Variants in ARIH1 observed in about 807,000 individuals in gnomAD.
ARIH1 encodes the protein E3 ubiquitin-protein ligase ARIH1.
A neutral mutation model predicts 85.0 loss-of-function variants in ARIH1; 8 were observed. That is an observed-to-expected ratio of 0.09 (90% confidence interval 0.06 to 0.17). The LOEUF (loss-of-function observed/expected upper bound fraction) is 0.17, where lower values mean the gene tolerates loss of function less well. Ranked by LOEUF, ARIH1 falls within the 10% of genes least tolerant of loss-of-function variation. The pLI is 1.00. For synonymous variants in ARIH1, 238 were observed against 253.6 expected (o/e 0.94, Z 0.59); for missense variants, 311 against 718.1 (o/e 0.43, Z 6.48).
At chr15:72,499,884 G>A (rs1004792734) in intron 1 of ARIH1, among the ~76,000 whole-genome samples, 2 of 152,066 alleles carry the variant, frequency 1.3e-5, no homozygotes, top group African/African-American at 4.8e-5. Flanking sequence ...GTGCTGGACT[G>A]CATCCTTAAT....
Position 72,582,556 on chromosome 15 carries a change from G to A in ARIH1, c.1589+369G>A, listed in dbSNP as rs913908793. On this transcript the variant is annotated intron_variant, in intron 13 of 13. Coordinates refer to ENST00000379887, the MANE Select transcript of ARIH1 (RefSeq NM_005744.5). The surrounding 1 kb of genome is among the most constrained non-coding windows in gnomAD (Gnocchi z 4.6). Reference sequence around the variant, plus strand: ...TCATGGCTATTCACAAATGAGCTATGGAAACTTACTTTTTAGAGTTTTTAT... The same window carrying A: ...TCATGGCTATTCACAAATGAGCTATAGAAACTTACTTTTTAGAGTTTTTAT... 6.6e-6 allele frequency among the ~76,000 whole-genome samples: 1 copy of A among 151,654 alleles called. No individual in the cohort carries two copies. Among genetic ancestry groups the A allele is most frequent in the Non-Finnish European group, 1.5e-5 (1 of 67,954 alleles).
At chr15:72,539,752 A>G (rs945894271) in intron 2 of ARIH1, among the ~76,000 whole-genome samples, 4 of 152,222 alleles carry the variant, frequency 2.6e-5, no homozygotes, top group Non-Finnish European at 5.9e-5. Flanking sequence ...GAAAGAAGAA[A>G]ATGAGAAAAT....
chr15:72,540,790 A>C (rs1321752498), intron 2 of ARIH1, among the ~76,000 whole-genome samples: 3 of 152,098 alleles, frequency 2.0e-5, no homozygotes, highest in Non-Finnish European at 4.4e-5. Flanking sequence ...ATATGTGAAA[A>C]ACTGCTGTGC....
At chr15:72,565,669 A>G (rs2064216600) in intron 7 of ARIH1, among the ~76,000 whole-genome samples, 1 of 152,234 alleles carries the variant, frequency 6.6e-6, no homozygotes, top group African/African-American at 2.4e-5. Flanking sequence ...ACATAAAAGT[A>G]TAGAGAATAC....
At chr15:72,581,238 C>G (rs1365481138) in intron 12 of ARIH1, among the ~76,000 whole-genome samples, 1 of 152,142 alleles carries the variant, frequency 6.6e-6, no homozygotes. Context: ...TTAATCTTTA[C>G]TTCATTATGT....
intron 7 of ARIH1, among the ~76,000 whole-genome samples, chr15:72,564,451 C>T (rs575541699): frequency 4.6e-5 from 7 of 152,310 alleles, no homozygotes; most frequent in Non-Finnish European, 7.4e-5. Flanking sequence ...ATTCCCTGCA[C>T]TTCTGTCTTT....
At chr15:72,488,741 A>G (rs1436527454) in intron 1 of ARIH1, among the ~76,000 whole-genome samples, 1 of 152,242 alleles carries the variant, frequency 6.6e-6, no homozygotes, top group African/African-American at 2.4e-5. Flanking sequence ...GATCCAGACA[A>G]GATTTTCTTC....
intron 1 of ARIH1, among the ~76,000 whole-genome samples, chr15:72,512,374 G>A (rs2063954411): frequency 6.6e-6 from 1 of 151,988 alleles, no homozygotes; most frequent in Non-Finnish European, 1.5e-5. Flanking sequence ...AGTAATTTGT[G>A]TCTTTAAGAA....
chr15:72,567,297 G>GAT, intron 9 of ARIH1, 120 bp downstream of exon 9: 1 of 668,448 alleles, frequency 1.5e-6, no homozygotes, highest in Admixed American at 3.3e-5. Context: ...TCTCCATTGA[G>GAT]TCTTTTTTTT....
In ARIH1 at chr15:72,582,942, C is replaced by A. The variant is rs1414941357; in HGVS notation, c.1590-266C>A. ...GAACTGTGGGATTGAATTATGATTTCTAAGGTCCATCAGAACTTGTAACAC... is the reference window on the plus strand; with the variant it reads ...GAACTGTGGGATTGAATTATGATTTATAAGGTCCATCAGAACTTGTAACAC... On this transcript the variant is annotated intron_variant, in intron 13 of 13. Coordinates refer to ENST00000379887, the MANE Select transcript of ARIH1 (RefSeq NM_005744.5). This position sits in a 1 kb window ranked among gnomAD's most constrained non-coding sequence, Gnocchi z 4.6. 6.6e-6 allele frequency among the ~76,000 whole-genome samples: 1 copy of A among 152,196 alleles called. No individual in the cohort carries two copies. Among genetic ancestry groups the A allele is most frequent in the Non-Finnish European group, 1.5e-5 (1 of 68,042 alleles).
At chr15:72,570,940 A>G in intron 10 of ARIH1, among the ~76,000 whole-genome samples, 1 of 151,798 alleles carries the variant, frequency 6.6e-6, no homozygotes, top group Non-Finnish European at 1.5e-5. Flanking sequence ...ACCAGCCCTG[A>G]CCAACATGGA....
At chr15:72,501,684 C>T (rs1411527853) in intron 1 of ARIH1, among the ~76,000 whole-genome samples, 1 of 152,112 alleles carries the variant, frequency 6.6e-6, no homozygotes, top group Non-Finnish European at 1.5e-5. Context: ...ACAGTTGGAA[C>T]CCAGAAGTGA....
intron 1 of ARIH1, among the ~76,000 whole-genome samples, chr15:72,499,195 C>T (rs1009038524): frequency 2.0e-5 from 3 of 151,812 alleles, no homozygotes; most frequent in African/African-American, 4.8e-5. Flanking sequence ...AGGCTGGCCT[C>T]GAACTTCTGA....
intron 1 of ARIH1, among the ~76,000 whole-genome samples, chr15:72,483,362 C>T (rs911158734): frequency 2.6e-5 from 4 of 152,200 alleles, no homozygotes; most frequent in Non-Finnish European, 2.9e-5. Context: ...AAGGCCCATA[C>T]GATGGAAGCC....
chr15:72,524,362 C>A (rs115237623), intron 2 of ARIH1, among the ~76,000 whole-genome samples: 1 of 150,158 alleles, frequency 6.7e-6, no homozygotes, highest in Non-Finnish European at 1.5e-5. Flanking sequence ...TACAGGCGTG[C>A]GCCACCATGC....
chr15:72,480,381 C>T (rs375651037), intron 1 of ARIH1, among the ~76,000 whole-genome samples: 2 of 151,756 alleles, frequency 1.3e-5, no homozygotes, highest in East Asian at 3.9e-4. Context: ...CCTGCTTCAG[C>T]CTCTCAAGTA....
chr15:72,568,407 TG>T, intron 9 of ARIH1, among the ~76,000 whole-genome samples: 1 of 152,348 alleles, frequency 6.6e-6, no homozygotes, highest in East Asian at 1.9e-4. Flanking sequence ...TTTAATTAAA[TG>T]GTAGCCTTTT....
At chr15:72,501,998 T>C (rs1036312481) in intron 1 of ARIH1, among the ~76,000 whole-genome samples, 2 of 152,212 alleles carry the variant, frequency 1.3e-5, no homozygotes, top group Non-Finnish European at 2.9e-5. Flanking sequence ...TAGGGTGTTA[T>C]ATATATTAGA....
chr15:72,563,589 GTGTT>G, intron 7 of ARIH1, 89 bp downstream of exon 7: 2 of 1,110,980 alleles, frequency 1.8e-6, no homozygotes, highest in Non-Finnish European at 2.7e-6. Context: ...CAGAAAAAAA[GTGTT>G]TACCTTAGGC....
Sources: allele counts gnomAD v4.1 joint callset (sites outside exome capture counted in the v4.1 genomes callset), GRCh38; gene constraint gnomAD v4.1.1; non-coding constraint Gnocchi (gnomAD v3.1); transcripts MANE v1.5; gene names NCBI Gene and HGNC (gene_info 2026-07-23, HGNC 2026-07-21).